Variants in AK8 observed in about 807,000 individuals in gnomAD.
AK8 encodes adenylate kinase 8.
AK8 carries 44 observed loss-of-function variants against 54.6 expected under a neutral mutation model. The observed-to-expected ratio is 0.81, with a 90% confidence interval of 0.63 to 1.04. The LOEUF (loss-of-function observed/expected upper bound fraction) is 1.04, where lower values mean the gene tolerates loss of function less well. Ranked by LOEUF, AK8 falls within the 50% of genes least tolerant of loss-of-function variation. The probability of loss-of-function intolerance (pLI) is 0.00; values close to 1 mark genes in which losing one functional copy is unlikely to be tolerated. For synonymous variants in AK8, 239 were observed against 245.6 expected (o/e 0.97, Z 0.25); for missense variants, 555 against 613.6 (o/e 0.90, Z 1.01).
chr9:132,821,798 CAT>C (rs1491319962), intron 9 of AK8, among the ~76,000 whole-genome samples: 4 of 114,958 alleles, frequency 3.5e-5, no homozygotes, highest in Admixed American at 9.2e-5. Flanking sequence ...CAAATATATA[CAT>C]ATATGTGTAT....
At chr9:132,727,652 C>T in intron 11 of AK8, 118 bp from the exon 12 acceptor site, 1 of 932,848 alleles carries the variant, frequency 1.1e-6, no homozygotes, top group South Asian at 1.5e-5. Context: ...TGGCCGATTC[C>T]TAGAGCCAGC....
chr9:132,728,406 C>T (rs1405925385), intron 11 of AK8, among the ~76,000 whole-genome samples: 1 of 152,238 alleles, frequency 6.6e-6, no homozygotes, highest in African/African-American at 2.4e-5. Flanking sequence ...AGACTCTCAC[C>T]TCCACTATGG....
At position 132,791,917 on chromosome 9, in the gene AK8, C is replaced by A. The variant is rs1839963875; in HGVS notation, c.1121+717G>T. On this transcript the variant is annotated intron_variant, in intron 11 of 12. Transcript: ENST00000298545. This position sits in a 1 kb window ranked among gnomAD's most constrained non-coding sequence, Gnocchi z 4.0. ...TTCCCTTAACCAGTCACACAGGAGG[C>A]CCCGCCTCTAGTTAACCCACCCAGC... is the stretch of plus-strand genomic sequence containing the variant. 6.6e-6 allele frequency among the ~76,000 whole-genome samples: 1 copy of A among 152,200 alleles called. No individual in the cohort carries two copies. Among genetic ancestry groups the A allele is most frequent in the Admixed American group, 6.5e-5 (1 of 15,282 alleles).
Position 132,844,297 on chromosome 9 carries a change from C to CAAA in AK8, c.402+10557_402+10559dup, listed in dbSNP as rs35309762. Among the ~76,000 whole-genome samples, 40 of 92,628 alleles carry CAAA rather than the reference C, an allele frequency of 4.3e-4. 1 individual carries two copies. Among genetic ancestry groups the CAAA allele is most frequent in the African/African-American group, 8.1e-4 (17 of 21,010 alleles). The allele number at this position is 92,628 out of a possible 152,430, so 60.8% of individuals were successfully genotyped here. On this transcript the variant is annotated intron_variant, in intron 5 of 12. Coordinates refer to ENST00000298545, the MANE Select transcript of AK8 (RefSeq NM_152572.3). ...ATTCTTCAAAGAGACTGCATTAGAC[C>CAAA]AAAAAAAAAAAAAAAAAAAGAAAAA...
chr9:132,877,989 G>C, intron 1 of AK8, 183 bp downstream of exon 1: 1 of 1,461,370 alleles, frequency 6.8e-7, no homozygotes, highest in South Asian at 1.2e-5. Context: ...GCAGGACCAG[G>C]AGCGTCCCCA....
intron 10 of AK8, among the ~76,000 whole-genome samples, chr9:132,794,546 A>G (rs932468143): frequency 6.6e-6 from 1 of 152,164 alleles, no homozygotes; most frequent in Non-Finnish European, 1.5e-5. Flanking sequence ...CACCCTTGTT[A>G]TCACAAAGAT....
chr9:132,820,786 TGAA>T (rs1472687114), intron 9 of AK8, among the ~76,000 whole-genome samples: 3 of 152,184 alleles, frequency 2.0e-5, no homozygotes, highest in African/African-American at 7.2e-5. Flanking sequence ...TTCACAGATG[TGAA>T]GATTAGAACC....
At chr9:132,764,246 G>A (rs999166773) in intron 11 of AK8, among the ~76,000 whole-genome samples, 4 of 152,252 alleles carry the variant, frequency 2.6e-5, no homozygotes, top group South Asian at 4.1e-4. Flanking sequence ...GGAGGTAGAC[G>A]TTGCAGTGAG....
intron 11 of AK8, among the ~76,000 whole-genome samples, chr9:132,763,938 T>C (rs1399171778): frequency 1.3e-5 from 2 of 152,214 alleles, no homozygotes; most frequent in Non-Finnish European, 2.9e-5. Context: ...AACCTAATGA[T>C]GCATTTCAAG....
intron 11 of AK8, among the ~76,000 whole-genome samples, chr9:132,749,153 C>T (rs1359701656): frequency 6.6e-6 from 1 of 151,946 alleles, no homozygotes; most frequent in East Asian, 1.9e-4. Context: ...GGATTACCGG[C>T]GTGAGCCACT....
At chr9:132,728,786 A>T (rs1443925606) in intron 11 of AK8, among the ~76,000 whole-genome samples, 5 of 152,276 alleles carry the variant, frequency 3.3e-5, no homozygotes, top group Admixed American at 3.3e-4. Flanking sequence ...TGAAGGGCTC[A>T]CTTCTCATGA....
At chr9:132,748,198 TGATAACACGTA>T (rs1385264730) in intron 11 of AK8, among the ~76,000 whole-genome samples, 5 of 151,912 alleles carry the variant, frequency 3.3e-5, no homozygotes, top group African/African-American at 4.8e-5. Flanking sequence ...AACATAATGG[TGATAACACGTA>T]GATAACCGTA....
At chr9:132,812,950 C>T (rs1377916788) in intron 10 of AK8, among the ~76,000 whole-genome samples, 1 of 139,996 alleles carries the variant, frequency 7.1e-6, no homozygotes, top group Non-Finnish European at 1.6e-5. Flanking sequence ...TGCCCTGAGC[C>T]TACACAGATC....
At chr9:132,761,230 CT>C (rs1259795155) in intron 11 of AK8, among the ~76,000 whole-genome samples, 1 of 146,748 alleles carries the variant, frequency 6.8e-6, no homozygotes, top group Non-Finnish European at 1.5e-5. Context: ...AGTTATGGGA[CT>C]TTGGATTTTC....
chr9:132,867,111 T>G (rs751212888), intron 2 of AK8, among the ~76,000 whole-genome samples, 158 bp from the exon 3 acceptor site: 11 of 152,266 alleles, frequency 7.2e-5, no homozygotes, highest in African/African-American at 2.6e-4. Flanking sequence ...ACTCTTGCCA[T>G]GGAACGCATT....
At chr9:132,755,199 G>T (rs568673427) in intron 11 of AK8, among the ~76,000 whole-genome samples, 1 of 152,326 alleles carries the variant, frequency 6.6e-6, no homozygotes, top group East Asian at 1.9e-4. Flanking sequence ...TTATCTAAAA[G>T]ATTTGGCAGG....
chr9:132,789,597 C>CAAAAAAAAAAAAAAAAAAAAAAAAA (rs578003731), intron 11 of AK8, among the ~76,000 whole-genome samples: 1 of 57,548 alleles, frequency 1.7e-5, no homozygotes, highest in Non-Finnish European at 3.1e-5. Context: ...ACTCATCTCA[C>CAAAAAAAAAAAAAAAAAAAAAAAAA]AAAAAAAAAA....
In AK8 at chr9:132,863,676, GATAAAGCCTTCTGGCTTCGGTGGCCGT is replaced by G; in HGVS notation, c.295_321del (p.Thr99_Tyr107del). 1 of 1,613,142 alleles carries G rather than the reference GATAAAGCCTTCTGGCTTCGGTGGCCGT, an allele frequency of 6.2e-7. No homozygotes were observed. Among genetic ancestry groups the G allele is most frequent in the East Asian group, 2.2e-5 (1 of 44,886 alleles). On this transcript the variant is annotated inframe_deletion, in exon 4 of 13. Transcript: ENST00000298545. ...GGGGCCAGTCCTACCTTCCTTTGCA[GATAAAGCCTTCTGGCTTCGGTGGCCGT>G]ATAGGAAAACTCATTTAAGATCAGG...
intron 11 of AK8, among the ~76,000 whole-genome samples, chr9:132,740,853 C>A (rs778401887): frequency 2.0e-5 from 3 of 152,194 alleles, no homozygotes; most frequent in Non-Finnish European, 4.4e-5. Context: ...GCATTTGGCT[C>A]CTTCGCTGAT....
Sources: gnomAD v4.1 joint callset for allele counts (sites outside exome capture counted in the v4.1 genomes callset) on GRCh38, gnomAD v4.1.1 for gene constraint, Gnocchi (gnomAD v3.1) non-coding constraint, MANE v1.5 for transcripts, NCBI Gene and HGNC (gene_info 2026-07-23, HGNC 2026-07-21) for gene names.